Variants in LTF observed in about 807,000 individuals in gnomAD.
LTF encodes the protein epididymis luminal protein 110.
In LTF, 91 loss-of-function variants were observed where a neutral mutation model predicts 87.2. The ratio of observed to expected loss-of-function variants is 1.04; its 90% CI spans 0.88 to 1.24. LTF has a LOEUF of 1.24. LTF is among the 50% of genes most tolerant of loss of function. The probability of loss-of-function intolerance (pLI) is 0.00; values close to 1 mark genes in which losing one functional copy is unlikely to be tolerated. For missense variants in LTF, 901 were observed against 904.3 expected, an observed-to-expected ratio of 1.00 and a Z score of 0.05; for synonymous variants, 378 against 356.1, an observed-to-expected ratio of 1.06 and a Z score of -0.69.
Position 46,448,986 on chromosome 3 carries a change from C to T in LTF, c.1089G>A (p.Arg363=), listed in dbSNP as rs746870088. The T allele has an allele frequency of 6.2e-7, 1 of 1,611,362 alleles. No homozygotes were observed. ...GCTCGCCCACCGCACACCACACGACCCGCGCACGCCGGGCAGCCACTTCCT... is the reference window on the plus strand; with the variant it reads ...GCTCGCCCACCGCACACCACACGACTCGCGCACGCCGGGCAGCCACTTCCT... ...SEEEVAARRA[R]VVWCAVGEQE... The change falls in exon 9 of 17, where the codon CGG becomes CGA. Residue 363 remains arginine (R), a synonymous_variant. Transcript: ENST00000231751.
At chr3:46,464,673 G>A (rs1703168508) in intron 1 of LTF, 152 bp downstream of exon 1, 4 of 751,436 alleles carry the variant, frequency 5.3e-6, no homozygotes, top group Admixed American at 2.9e-5. Context: ...GACTGGCCCC[G>A]CGTCCGGGCC....
upstream of LTF, chr3:46,465,192 G>T: frequency 2.4e-6 from 1 of 424,912 alleles, no homozygotes. Context: ...TCCCAGCTCT[G>T]GTCTCAGTGC....
At position 46,455,359 on chromosome 3, in the gene LTF, TC is replaced by T. The variant is rs1289453360; in HGVS notation, c.582del (p.Thr195GlnfsTer24). On this transcript the variant is annotated frameshift_variant, in exon 5 of 17. Transcript: ENST00000231751. LOFTEE classifies it high-confidence loss of function. ...GAGAAGGCACATTTGTTTTCCCCTG[TC>T]CCCGCACACAGGCGACACAGGTTGG... ...QFPNLCRLCA[G>X]TGENKCAFSS... The T allele has an allele frequency of 6.2e-7, 1 of 1,614,156 alleles. No homozygotes were observed. The highest frequency in any genetic ancestry group is 8.5e-7 in the Non-Finnish European group (1 of 1,180,020).
chr3:46,464,856 G>A lies in LTF; in HGVS notation c.12C>T (p.Val4=), dbSNP rs936816274. 6.2e-7 allele frequency: 1 copy of A among 1,613,898 alleles called. No homozygotes were observed. The highest frequency in any genetic ancestry group is 1.1e-5 in the South Asian group (1 of 91,042). MKL[V]FLVLLFLGAL... ...CCCCGAGGAACAGCAGGACGAGGAAGACAAGTTTCATGTCTGCGGTCTGGA... is the reference window on the plus strand; with the variant it reads ...CCCCGAGGAACAGCAGGACGAGGAAAACAAGTTTCATGTCTGCGGTCTGGA... The change falls in exon 1 of 17, where the codon GTC becomes GTT. Residue 4 remains valine, a synonymous_variant. Coordinates refer to ENST00000231751, the MANE Select transcript of LTF (RefSeq NM_002343.6).
Position 46,454,311 on chromosome 3 carries a change from C to A in LTF, c.697G>T (p.Val233Leu). Residue 233 changes from valine (V) to leucine (L), a missense_variant, in exon 6 of 17, where the codon GTG becomes TTG. Transcript: ENST00000231751. ...CTCATTACCCTGCTCTTACCAAACA[C>A]TGTGCTCTCTCTGATAAAAGCCACG... Reference protein sequence around the residue: ...GDVAFIRESTVFEDLSDEAER... With the variant: ...GDVAFIRESTLFEDLSDEAER... The A allele has an allele frequency of 6.2e-7, 1 of 1,614,142 alleles. No individual in the cohort carries two copies. The highest frequency in any genetic ancestry group is 8.5e-7 in the Non-Finnish European group (1 of 1,179,994).
At position 46,448,874 on chromosome 3, in the gene LTF, C is replaced by T. The variant is rs1393094222; in HGVS notation, c.1201G>A (p.Ala401Thr). 6.2e-6 allele frequency: 10 copies of T among 1,613,164 alleles called. 1 individual carries two copies. The highest frequency in any genetic ancestry group is 3.3e-5 in the South Asian group (3 of 91,012). Residue 401 changes from alanine (A) to threonine (T), a missense_variant, in exon 9 of 17, where the codon GCC becomes ACC. Physicochemically the swap from Ala to Thr is moderately conservative, Grantham distance 58. Transcript: ENST00000231751. ...SSASTTEDCI[A>T]LVLKGEADAM... is the part of the protein sequence containing the mutation. ...ATGGAGCTCCCTACCAGCACCAGGG[C>T]GATGCAGTCCTCTGTGGTGGAGGCC...
At chr3:46,442,323 A>T (rs1316892755) in intron 13 of LTF, among the ~76,000 whole-genome samples, 1 of 152,152 alleles carries the variant, frequency 6.6e-6, no homozygotes, top group East Asian at 1.9e-4. Context: ...CATTATAAGG[A>T]TGATAGAAAT....
chr3:46,468,283 T>C (rs190523816), upstream of LTF: 5 of 456,616 alleles, frequency 1.1e-5, no homozygotes, highest in African/African-American at 1.0e-4. Context: ...ATGGGACATC[T>C]CCAACGTGCC....
chr3:46,478,902 T>C (rs1156982288), intron 1 of LTF, among the ~76,000 whole-genome samples: 1 of 152,246 alleles, frequency 6.6e-6, no homozygotes, highest in Non-Finnish European at 1.5e-5. Context: ...TGCTCAGACC[T>C]GACACAGTGC....
In LTF at chr3:46,435,970, A is replaced by C. The variant is rs1392312094; in HGVS notation, c.*225T>G. 1 of 572,230 alleles carries C rather than the reference A, an allele frequency of 1.7e-6. No homozygotes were observed. The highest frequency in any genetic ancestry group is 3.1e-5 in the Admixed American group (1 of 32,340). The allele number at this position is 572,230 out of a possible 1,614,324, so 35.4% of individuals were successfully genotyped here. A position where few individuals can be genotyped will look rare whatever the true frequency, so the allele number is the denominator to read the frequency against. The stretch of plus-strand genomic sequence containing the variant: ...GGTATTTTGTCAGGCATGTGATTTC[A>C]GTATAAAATTCTAGAAAAGATGAGT... On this transcript the variant is annotated 3_prime_UTR_variant, in exon 17 of 17. Coordinates refer to ENST00000231751, the MANE Select transcript of LTF (RefSeq NM_002343.6).
At chr3:46,452,800 A>T (rs1459130915) in intron 6 of LTF, among the ~76,000 whole-genome samples, 1 of 152,224 alleles carries the variant, frequency 6.6e-6, no homozygotes, top group Non-Finnish European at 1.5e-5. Context: ...AAATTGCCTC[A>T]CTGTAAAGGG....
At chr3:46,463,530 G>T (rs930124323) in intron 1 of LTF, 1 of 985,540 alleles carries the variant, frequency 1.0e-6, no homozygotes, top group Non-Finnish European at 1.2e-6. Context: ...AAGGACAAGG[G>T]TTGCAATGGC....
At chr3:46,482,487 A>C (rs1311803343) in intron 1 of LTF, among the ~76,000 whole-genome samples, 4 of 1,688 alleles carry the variant, frequency 2.4e-3, no homozygotes, top group African/African-American at 4.6e-3. Flanking sequence ...AGGAGAAGGA[A>C]GGGAAGGGAA....
chr3:46,455,849 C>G lies in LTF; in HGVS notation c.446G>C (p.Gly149Ala), dbSNP rs1260895000. 6.2e-7 allele frequency: 1 copy of G among 1,609,754 alleles called. No homozygotes were observed. The highest frequency in any genetic ancestry group is 1.3e-5 in the African/African-American group (1 of 74,710). ...CCAATTCAAGAATGGACGAAGTGTC[C>G]CTATAGGGACATTCCATCCAGCGGT... is the stretch of plus-strand genomic sequence containing the variant. ...RRTAGWNVPIGTLRPFLNWTG... is the reference protein window; with the variant it reads ...RRTAGWNVPIATLRPFLNWTG... The change falls in exon 4 of 17, where the codon GGG (glycine) becomes GCG (alanine). Residue 149 changes from glycine (G) to alanine (A), a missense_variant. By Grantham distance (60) the Gly-to-Ala change is moderately conservative (BLOSUM62 0). Transcript: ENST00000231751.
Position 46,439,455 on chromosome 3 carries a change from C to T in LTF, c.1749G>A (p.Lys583=). 4 of 1,613,092 alleles carry T rather than the reference C, an allele frequency of 2.5e-6. No individual in the cohort carries two copies. Among genetic ancestry groups the T allele is most frequent in the Non-Finnish European group, 3.4e-6 (4 of 1,179,480 alleles). The change falls in exon 15 of 17, where the codon AAG becomes AAA. Residue 583 remains lysine (K), a synonymous_variant. Coordinates refer to ENST00000231751, the MANE Select transcript of LTF (RefSeq NM_002343.6). ...GCGCAAAGTCTGCCAGCTTCAAATCCTTAGCCCATGCCTCATTGTTATTTC... is the reference window on the plus strand; with the variant it reads ...GCGCAAAGTCTGCCAGCTTCAAATCTTTAGCCCATGCCTCATTGTTATTTC... The part of the protein sequence containing the change: ...TDGNNNEAWA[K]DLKLADFALL...
intron 7 of LTF, among the ~76,000 whole-genome samples, chr3:46,450,259 G>T (rs989382866): frequency 1.3e-5 from 2 of 152,084 alleles, no homozygotes; most frequent in Non-Finnish European, 2.9e-5. Context: ...TGAGAAGATT[G>T]CATCGACCAC....
At chr3:46,482,659 AGAAGGAAGGAAGGAAGGAAG>A (rs1206921702) in intron 1 of LTF, among the ~76,000 whole-genome samples, 1 of 60,204 alleles carries the variant, frequency 1.7e-5, no homozygotes, top group Non-Finnish European at 3.2e-5. Flanking sequence ...AAAGAAAGAA[AGAAGGAAGGAAGGAAGGAAG>A]GAAGGAAGGA....
At chr3:46,448,804 G>T in intron 9 of LTF, 59 bp downstream of exon 9, 2 of 1,583,354 alleles carry the variant, frequency 1.3e-6, no homozygotes. Flanking sequence ...TTAAGCAGAT[G>T]CCCAGGCCCT....
At position 46,450,809 on chromosome 3, in the gene LTF, G is replaced by C. The variant is rs961403682; in HGVS notation, c.704-136C>G. 5.5e-6 allele frequency: 4 copies of C among 732,182 alleles called. No homozygotes were observed. In the African/African-American group the frequency reaches 7.0e-5, roughly 13 times the overall value. The allele number at this position is 732,182 out of a possible 1,614,324, so 45.4% of individuals were successfully genotyped here. A position where few individuals can be genotyped will look rare whatever the true frequency, so the allele number is the denominator to read the frequency against. On this transcript the variant is annotated intron_variant, in intron 6 of 16. Coordinates refer to ENST00000231751, the MANE Select transcript of LTF (RefSeq NM_002343.6). ...CAAAACTGAGGGTCAGAAAGGCAGGGGTTTGCTCCAGAACACTCAGAAAGG... is the reference window on the plus strand; with the variant it reads ...CAAAACTGAGGGTCAGAAAGGCAGGCGTTTGCTCCAGAACACTCAGAAAGG...
Sources: allele counts gnomAD v4.1 joint callset (sites outside exome capture counted in the v4.1 genomes callset), GRCh38; gene constraint gnomAD v4.1.1; transcripts MANE v1.5; gene names NCBI Gene and HGNC (gene_info 2026-07-23, HGNC 2026-07-21).